ANKRD17: variants seen among roughly 807,000 people sequenced by gnomAD.
The protein encoded by ANKRD17 is ankyrin repeat domain 17.
Under a neutral mutation model 229.7 loss-of-function variants are expected in ANKRD17, and 19 were observed. That is an observed-to-expected ratio of 0.08 (90% CI 0.06 to 0.12). The LOEUF (loss-of-function observed/expected upper bound fraction) is 0.12, where lower values mean the gene tolerates loss of function less well. Ranked by LOEUF, ANKRD17 falls within the 10% of genes least tolerant of loss-of-function variation. The pLI, the probability that ANKRD17 is intolerant of heterozygous loss-of-function variation, is 1.00. For missense variants in ANKRD17, 2,176 were observed against 3,176.8 expected (o/e 0.68, Z 7.57); for synonymous variants, 1,112 against 1,146.1 (o/e 0.97, Z 0.60).
chr4:73,258,225 C>T (rs1250693411), intron 1 of ANKRD17, 51 bp downstream of exon 1: 1 of 1,611,734 alleles, frequency 6.2e-7, no homozygotes. Context: ...CCTTCGGCCC[C>T]TATCCCTTAC....
intron 2 of ANKRD17, among the ~76,000 whole-genome samples, chr4:73,163,442 A>T (rs576283375): frequency 6.6e-6 from 1 of 152,284 alleles, no homozygotes; most frequent in African/African-American, 2.4e-5. Context: ...CCTGCATTTT[A>T]AAAAAGATCC....
chr4:73,139,545 T>C lies in ANKRD17; in HGVS notation c.3071A>G (p.Asp1024Gly). The change falls in exon 15 of 34, where the codon GAT becomes GGT. Residue 1024 changes from aspartate (D) to glycine (G), a missense_variant. Coordinates refer to ENST00000358602, the MANE Select transcript of ANKRD17 (RefSeq NM_032217.5). ...SPAQTLNDTL[D>G]DIMAAVSGRA... ...TATAAACCCACCTGCCATGATGTCA[T>C]CCAGCGTGTCATTGAGGGTCTGAGC... 1 of 1,613,038 alleles carries C rather than the reference T, an allele frequency of 6.2e-7. No homozygotes were observed. The highest frequency in any genetic ancestry group is 8.5e-7 in the Non-Finnish European group (1 of 1,179,340).
intron 1 of ANKRD17, among the ~76,000 whole-genome samples, chr4:73,221,374 A>C (rs1451416523): frequency 6.6e-6 from 1 of 152,166 alleles, no homozygotes; most frequent in African/African-American, 2.4e-5. Context: ...CCTATGCATA[A>C]AGCACAAAAC....
rs1560511528 is a variant in ANKRD17 at position 73,097,235 on chromosome 4, G to C, written c.5059C>G (p.Leu1687Val). The change falls in exon 27 of 34, where the codon CTA becomes GTA. Residue 1687 changes from leucine (L) to valine (V), a missense_variant. Physicochemically the swap from Leu to Val is conservative, Grantham distance 32 (BLOSUM62 1). Around this residue, in one of 18 missense-constraint regions of ANKRD17, gnomAD observed 98 missense variants for 101.0 expected, o/e 0.97. Coordinates refer to ENST00000358602, the MANE Select transcript of ANKRD17 (RefSeq NM_032217.5). Reference protein sequence around the residue: ...ETISEGTSNSLSTCTKSGPSP... With the variant: ...ETISEGTSNSVSTCTKSGPSP... ...GGACCAGATTTTGTACAAGTAGATA[G>C]AGAATTACTGGTCCCTTCACTGATA... 6.2e-7 allele frequency: 1 copy of C among 1,603,400 alleles called. No individual in the cohort carries two copies. The highest frequency in any genetic ancestry group is 1.1e-5 in the South Asian group (1 of 88,772).
At chr4:73,158,795 A>C (rs367574478) in intron 3 of ANKRD17, among the ~76,000 whole-genome samples, 4 of 152,350 alleles carry the variant, frequency 2.6e-5, no homozygotes, top group African/African-American at 9.6e-5. Context: ...TAAAAGGAAG[A>C]GAAACCTGAA....
chr4:73,167,109 T>C (rs1038868825), intron 2 of ANKRD17, among the ~76,000 whole-genome samples: 3 of 152,200 alleles, frequency 2.0e-5, no homozygotes, highest in South Asian at 2.1e-4. Flanking sequence ...TAAATTAACA[T>C]AGGTGGCAAT....
chr4:73,186,255 T>C (rs1313964157), intron 1 of ANKRD17, among the ~76,000 whole-genome samples: 1 of 152,034 alleles, frequency 6.6e-6, no homozygotes, highest in African/African-American at 2.4e-5. Context: ...ATTTTTTCTA[T>C]ACATACAAAG....
At chr4:73,222,901 T>C (rs1443814136) in intron 1 of ANKRD17, 1 of 1,242,730 alleles carries the variant, frequency 8.0e-7, no homozygotes. Context: ...TATTCATCTG[T>C]AAAATAATTC....
At chr4:73,199,465 C>A (rs1289361736) in intron 1 of ANKRD17, among the ~76,000 whole-genome samples, 1 of 152,082 alleles carries the variant, frequency 6.6e-6, no homozygotes, top group Non-Finnish European at 1.5e-5. Context: ...CTCTCAATTG[C>A]CTTCAAAACA....
intron 30 of ANKRD17, among the ~76,000 whole-genome samples, chr4:73,080,529 T>C (rs1721455793): frequency 6.6e-6 from 1 of 152,154 alleles, no homozygotes; most frequent in African/African-American, 2.4e-5. Context: ...GACATGTAAA[T>C]GTAAACACAA....
At chr4:73,176,516 A>G (rs533614389) in intron 2 of ANKRD17, among the ~76,000 whole-genome samples, 2 of 152,084 alleles carry the variant, frequency 1.3e-5, no homozygotes, top group Non-Finnish European at 2.9e-5. Flanking sequence ...TAATTAGAGC[A>G]CTATTCACAA....
At chr4:73,197,301 A>C (rs531765732) in intron 1 of ANKRD17, among the ~76,000 whole-genome samples, 2 of 152,338 alleles carry the variant, frequency 1.3e-5, no homozygotes, top group South Asian at 4.1e-4. Context: ...CAATACAGAT[A>C]ACTGTGCTAT....
rs140067557 is a variant in ANKRD17, at chr4:73,119,593, G to A, written c.4025+569C>T. 1.1e-3 allele frequency among the ~76,000 whole-genome samples: 170 copies of A among 152,358 alleles called. 4 individuals are homozygous for A. The East Asian group carries it at 0.032, about 28-fold the overall frequency. ...ATGTAGATGGGAAGAACCATGGTTA[G>A]TAAGAGTTAACAGCAGTTACTGCCA... is the stretch of plus-strand genomic sequence containing the variant. On this transcript the variant is annotated intron_variant, in intron 21 of 33. Transcript: ENST00000358602.
intron 1 of ANKRD17, among the ~76,000 whole-genome samples, chr4:73,241,103 G>T (rs1317817442): frequency 3.3e-5 from 5 of 151,984 alleles, no homozygotes; most frequent in Non-Finnish European, 1.5e-5. Context: ...GAGCCACCGT[G>T]CCCGGCCCAA....
chr4:73,172,513 T>C (rs1050675501), intron 2 of ANKRD17, among the ~76,000 whole-genome samples: 2 of 152,188 alleles, frequency 1.3e-5, no homozygotes, highest in Non-Finnish European at 2.9e-5. Flanking sequence ...ACAGAGAATA[T>C]TATAACACTG....
At chr4:73,125,746 A>AAAGG (rs1727366483) in intron 16 of ANKRD17, among the ~76,000 whole-genome samples, 1 of 65,814 alleles carries the variant, frequency 1.5e-5, no homozygotes, top group Non-Finnish European at 4.4e-5. Flanking sequence ...AAAAAAAAAA[A>AAAGG]AAAGAAAAGA....
At position 73,144,811 on chromosome 4, in the gene ANKRD17, T is replaced by G; in HGVS notation, c.1891A>C (p.Arg631=). 6.2e-7 allele frequency: 1 copy of G among 1,603,436 alleles called. No individual in the cohort carries two copies. Among genetic ancestry groups the G allele is most frequent in the Non-Finnish European group, 8.5e-7 (1 of 1,176,300 alleles). ...CTTGCAGCTTTCATTAAAGGAGTTC[T>G]TCCACCTTCAGATTCATGTTCCTGT... The part of the protein sequence containing the change: ...ADLEHESEGG[R]TPLMKAARAG... The change falls in exon 11 of 34, where the codon AGA becomes CGA. Residue 631 remains arginine (R), a synonymous_variant. Transcript: ENST00000358602.
chr4:73,255,459 T>A (rs1745373865), intron 1 of ANKRD17, among the ~76,000 whole-genome samples: 1 of 152,206 alleles, frequency 6.6e-6, no homozygotes, highest in Non-Finnish European at 1.5e-5. Flanking sequence ...TTATCTACTT[T>A]TTTTTATTGT....
chr4:73,187,613 G>GT (rs1736474029), intron 1 of ANKRD17, among the ~76,000 whole-genome samples: 2 of 152,154 alleles, frequency 1.3e-5, no homozygotes, highest in Non-Finnish European at 2.9e-5. Flanking sequence ...CAAAAATTCT[G>GT]TAAGGAGGCC....
Sources: gnomAD v4.1 joint callset for allele counts (sites outside exome capture counted in the v4.1 genomes callset) on GRCh38, gnomAD v4.1.1 for gene constraint, gnomAD v4.1.1 regional missense constraint, MANE v1.5 for transcripts, NCBI Gene and HGNC (gene_info 2026-07-23, HGNC 2026-07-21) for gene names.